Variants in LEPROT observed in about 807,000 individuals in gnomAD.
LEPROT encodes leptin receptor overlapping transcript.
A neutral mutation model predicts 15.4 loss-of-function variants in LEPROT; 3 were observed. That is an observed-to-expected ratio of 0.19 (90% CI 0.09 to 0.50). The LOEUF (loss-of-function observed/expected upper bound fraction) is 0.50, where lower values mean the gene tolerates loss of function less well. LEPROT is among the 20% of genes least tolerant of loss of function. The pLI, the probability that LEPROT is intolerant of heterozygous loss-of-function variation, is 0.97. For synonymous variants in LEPROT, 59 were observed against 57.5 expected (o/e 1.03, Z -0.12); for missense variants, 137 against 162.2 (o/e 0.84, Z 0.84).
chr1:65,430,762 C>T (rs145088863), intron 3 of LEPROT, among the ~76,000 whole-genome samples: 262 of 151,830 alleles, frequency 1.7e-3, no homozygotes, highest in Non-Finnish European at 2.8e-3. Flanking sequence ...GGTACTGTCT[C>T]TGCTCCTGAG....
At chr1:65,431,654 C>T (rs994881537) in intron 3 of LEPROT, 149 bp from the exon 4 acceptor site, 20 of 698,638 alleles carry the variant, frequency 2.9e-5, no homozygotes, top group Non-Finnish European at 2.8e-5. Context: ...CATTACTGAA[C>T]AGTTCATTGT....
At position 65,433,564 on chromosome 1, in the gene LEPROT, G is replaced by A. The variant is rs910661264; in HGVS notation, c.*1645G>A. 1.0e-6 allele frequency: 1 copy of A among 984,886 alleles called. No individual in the cohort carries two copies. Among genetic ancestry groups the A allele is most frequent in the East Asian group, 1.1e-4 (1 of 8,808 alleles). The allele number at this position is 984,886 out of a possible 1,614,324, so 61.0% of individuals were successfully genotyped here. A position where few individuals can be genotyped will look rare whatever the true frequency, so the allele number is the denominator to read the frequency against. On this transcript the variant is annotated 3_prime_UTR_variant, in exon 4 of 4. Coordinates refer to ENST00000371065, the MANE Select transcript of LEPROT (RefSeq NM_017526.5). The stretch of plus-strand genomic sequence containing the variant: ...GGCTTGTGATCTGAGTAATTAGCAG[G>A]TATGATGCTGGGACTGGAAAATAGA...
At position 65,434,861 on chromosome 1, in the gene LEPROT, G is replaced by A. The variant is rs1219370079; in HGVS notation, c.*2942G>A. Reference sequence around the variant, plus strand: ...CTCCTCCCATTAGTCAGTTCTCTAAGTACAGCTGATGTCATGTGGTGCTGA... The same window carrying A: ...CTCCTCCCATTAGTCAGTTCTCTAAATACAGCTGATGTCATGTGGTGCTGA... On this transcript the variant is annotated 3_prime_UTR_variant, in exon 4 of 4. Coordinates refer to ENST00000371065, the MANE Select transcript of LEPROT (RefSeq NM_017526.5). 3.0e-6 allele frequency: 3 copies of A among 985,318 alleles called. No homozygotes were observed. The highest frequency in any genetic ancestry group is 3.6e-6 in the Non-Finnish European group (3 of 829,944). 61.0% of individuals were successfully genotyped at this position (985,318 alleles called of 1,614,324 possible).
At chr1:65,428,955 A>G (rs879267391) in intron 2 of LEPROT, among the ~76,000 whole-genome samples, 1 of 152,142 alleles carries the variant, frequency 6.6e-6, no homozygotes, top group Non-Finnish European at 1.5e-5. Flanking sequence ...GCTTTTCACT[A>G]GTGAGCATAT....
intron 3 of LEPROT, among the ~76,000 whole-genome samples, chr1:65,431,091 T>A (rs1351733687): frequency 1.3e-5 from 2 of 152,210 alleles, no homozygotes; most frequent in Non-Finnish European, 2.9e-5. Flanking sequence ...AGTTTGATCT[T>A]TGTCTAGATA....
At position 65,421,320 on chromosome 1, in the gene LEPROT, A is replaced by G. The variant is rs762541857; in HGVS notation, c.16+580A>G. On this transcript the variant is annotated intron_variant, in intron 1 of 3. Transcript: ENST00000371065. ...GCTTTCTTCGGTGTTTTCTCTGTTT[A>G]TGGACAGAGAAGAAACCAGTGTGTG... The G allele has an allele frequency of 5.2e-4, 800 of 1,530,446 alleles. 6 individuals are homozygous for G. The highest frequency in any genetic ancestry group is 2.6e-4 in the Admixed American group (13 of 50,412). 94.8% of individuals were successfully genotyped at this position (1,530,446 alleles called of 1,614,324 possible).
intron 1 of LEPROT, among the ~76,000 whole-genome samples, chr1:65,421,069 C>T (rs1441093023): frequency 6.6e-6 from 1 of 152,234 alleles, no homozygotes; most frequent in Non-Finnish European, 1.5e-5. Flanking sequence ...CTTCTTGACG[C>T]CACCCTAACG....
rs1646516667 is a variant in LEPROT, at chr1:65,433,515, A to G, written c.*1596A>G. ...CATTGTTAAAGTATGAAACTGAAAT[A>G]CATTCAAAACACTTAATCCTTGAGG... is the stretch of plus-strand genomic sequence containing the variant. On this transcript the variant is annotated 3_prime_UTR_variant, in exon 4 of 4. Coordinates refer to ENST00000371065, the MANE Select transcript of LEPROT (RefSeq NM_017526.5). The G allele has an allele frequency of 2.0e-6, 2 of 985,344 alleles. No homozygotes were observed. Among genetic ancestry groups the G allele is most frequent in the Non-Finnish European group, 2.4e-6 (2 of 829,930 alleles). 61.0% of individuals were successfully genotyped at this position (985,344 alleles called of 1,614,324 possible).
Position 65,435,366 on chromosome 1 carries a change from C to CTTTTTTTTTTTTTTTT in LEPROT, c.*3451_*3466dup, listed in dbSNP as rs60757318. The CTTTTTTTTTTTTTTTT allele has an allele frequency of 1.6e-6, 1 of 628,802 alleles. No homozygotes were observed. The highest frequency in any genetic ancestry group is 8.3e-5 in the Admixed American group (1 of 12,040). The allele number at this position is 628,802 out of a possible 1,614,324, so 39.0% of individuals were successfully genotyped here. A position where few individuals can be genotyped will look rare whatever the true frequency, so the allele number is the denominator to read the frequency against. ...TGTCACAAAATGTGCCTTTTCTTTT[C>CTTTTTTTTTTTTTTTT]TTTTTTTTTTTTTTTTTTTGAGGCA... On this transcript the variant is annotated 3_prime_UTR_variant, in exon 4 of 4. Transcript: ENST00000371065.
intron 2 of LEPROT, among the ~76,000 whole-genome samples, chr1:65,427,296 G>C (rs190681754): frequency 6.6e-6 from 1 of 152,044 alleles, no homozygotes; most frequent in East Asian, 1.9e-4. Context: ...GACAGAGCCC[G>C]GCCGTGGTGG....
intron 2 of LEPROT, chr1:65,427,665 A>G (rs1646406348): frequency 1.2e-5 from 2 of 169,710 alleles, no homozygotes. Flanking sequence ...ACCAACTGTA[A>G]ATCTAGGAGT....
Position 65,434,557 on chromosome 1 carries a change from T to G in LEPROT, c.*2638T>G. 2 of 985,272 alleles carry G rather than the reference T, an allele frequency of 2.0e-6. No homozygotes were observed. The highest frequency in any genetic ancestry group is 2.4e-6 in the Non-Finnish European group (2 of 829,786). 61.0% of individuals were successfully genotyped at this position (985,272 alleles called of 1,614,324 possible). A position where few individuals can be genotyped will look rare whatever the true frequency, so the allele number is the denominator to read the frequency against. ...CCTCCCTCAACAGGTTCAACTCTAA[T>G]ATACCTAACCTGTGATACTGAAGGT... On this transcript the variant is annotated 3_prime_UTR_variant, in exon 4 of 4. Coordinates refer to ENST00000371065, the MANE Select transcript of LEPROT (RefSeq NM_017526.5).
chr1:65,429,939 A>G lies in LEPROT; in HGVS notation c.170A>G (p.Tyr57Cys), dbSNP rs978004030. ...IPHFIAKRVT[Y>C]DSDATSSACR... Reference sequence around the variant, plus strand: ...CATTTCATTGCCAAAAGAGTCACCTATGACTCAGATGCAACCAGTAGTGCC... The same window carrying G: ...CATTTCATTGCCAAAAGAGTCACCTGTGACTCAGATGCAACCAGTAGTGCC... Residue 57 changes from tyrosine to cysteine, a missense_variant, in exon 3 of 4, where the codon TAT (tyrosine) becomes TGT (cysteine). By Grantham distance (194) the Tyr-to-Cys change is radical. Coordinates refer to ENST00000371065, the MANE Select transcript of LEPROT (RefSeq NM_017526.5). 1.1e-5 allele frequency: 17 copies of G among 1,569,338 alleles called. No individual in the cohort carries two copies. The highest frequency in any genetic ancestry group is 4.6e-5 in the East Asian group (2 of 43,884).
At chr1:65,429,062 G>A (rs1195886405) in intron 2 of LEPROT, among the ~76,000 whole-genome samples, 3 of 152,116 alleles carry the variant, frequency 2.0e-5, no homozygotes, top group African/African-American at 7.2e-5. Context: ...GAGATAAATG[G>A]CGTTTGATCA....
chr1:65,431,702 T>A, intron 3 of LEPROT, 101 bp from the exon 4 acceptor site: 1 of 1,253,132 alleles, frequency 8.0e-7, no homozygotes, highest in Non-Finnish European at 1.1e-6. Context: ...CAGCTTTGTG[T>A]AACATTTCAT....
At position 65,433,670 on chromosome 1, in the gene LEPROT, T is replaced by C; in HGVS notation, c.*1751T>C. 2 of 984,262 alleles carry C rather than the reference T, an allele frequency of 2.0e-6. No individual in the cohort carries two copies. Among genetic ancestry groups the C allele is most frequent in the Non-Finnish European group, 2.4e-6 (2 of 828,866 alleles). The allele number at this position is 984,262 out of a possible 1,614,324, so 61.0% of individuals were successfully genotyped here. A position where few individuals can be genotyped will look rare whatever the true frequency, so the allele number is the denominator to read the frequency against. On this transcript the variant is annotated 3_prime_UTR_variant, in exon 4 of 4. Transcript: ENST00000371065. ...TTATGTTTTCAGTGTCCTGTGTACA[T>C]ATAGAATTGTTAAAGTTGTCATTTC...
Position 65,434,340 on chromosome 1 carries a change from A to T in LEPROT, c.*2421A>T, listed in dbSNP as rs1646528947. 1.0e-6 allele frequency: 1 copy of T among 984,958 alleles called. No individual in the cohort carries two copies. The highest frequency in any genetic ancestry group is 1.2e-6 in the Non-Finnish European group (1 of 829,692). 61.0% of individuals were successfully genotyped at this position (984,958 alleles called of 1,614,324 possible). ...AAGGCTCTTTTTTTATATATTGTAC[A>T]ATATATTTGGAGATTCAGAGCATAG... is the stretch of plus-strand genomic sequence containing the variant. On this transcript the variant is annotated 3_prime_UTR_variant, in exon 4 of 4. Transcript: ENST00000371065.
At position 65,435,883 on chromosome 1, in the gene LEPROT, A is replaced by G. The variant is rs1646556286; in HGVS notation, c.*3964A>G. ...CTTATTGCAAAAATCCCACTGAGTA[A>G]TAGCTCATAAATTATAATCTTTCAA... On this transcript the variant is annotated 3_prime_UTR_variant, in exon 4 of 4. Transcript: ENST00000371065. 1 of 984,172 alleles carries G rather than the reference A, an allele frequency of 1.0e-6. No homozygotes were observed. Among genetic ancestry groups the G allele is most frequent in the African/African-American group, 1.7e-5 (1 of 57,320 alleles). 61.0% of individuals were successfully genotyped at this position (984,172 alleles called of 1,614,324 possible). A position where few individuals can be genotyped will look rare whatever the true frequency, so the allele number is the denominator to read the frequency against.
chr1:65,434,965 C>G lies in LEPROT; in HGVS notation c.*3046C>G. 1.0e-6 allele frequency: 1 copy of G among 985,478 alleles called. No individual in the cohort carries two copies. The highest frequency in any genetic ancestry group is 1.2e-6 in the Non-Finnish European group (1 of 829,988). The allele number at this position is 985,478 out of a possible 1,614,324, so 61.0% of individuals were successfully genotyped here. A position where few individuals can be genotyped will look rare whatever the true frequency, so the allele number is the denominator to read the frequency against. ...CCACATCTGAAATTCCTTTTGACACCTGCATTGGGCCGACTGCCATTCCCA... is the reference window on the plus strand; with the variant it reads ...CCACATCTGAAATTCCTTTTGACACGTGCATTGGGCCGACTGCCATTCCCA... On this transcript the variant is annotated 3_prime_UTR_variant, in exon 4 of 4. Transcript: ENST00000371065.
Sources: gnomAD v4.1 joint callset for allele counts (sites outside exome capture counted in the v4.1 genomes callset) on GRCh38, gnomAD v4.1.1 for gene constraint, MANE v1.5 for transcripts, NCBI Gene and HGNC (gene_info 2026-07-23, HGNC 2026-07-21) for gene names.